The following LRRC49 variants were observed in gnomAD, a reference collection of about 807,000 sequenced individuals.
LRRC49 encodes leucine rich repeat containing 49, also known as leucine-rich repeat-containing protein 49.
Under a neutral mutation model 83.3 loss-of-function variants are expected in LRRC49, and 50 were observed. That is an observed-to-expected ratio of 0.60 (90% CI 0.48 to 0.76). The LOEUF (loss-of-function observed/expected upper bound fraction) is 0.76, where lower values mean the gene tolerates loss of function less well. Among genes scored for constraint, LRRC49 ranks in the 30% least tolerant of loss-of-function variants. The pLI is 0.00. For missense variants in LRRC49, 704 were observed against 809.1 expected (o/e 0.87, Z 1.58); for synonymous variants, 286 against 283.3 (o/e 1.01, Z -0.10).
chr15:71,020,341 T>C (rs1413939622), intron 14 of LRRC49, among the ~76,000 whole-genome samples: 1 of 151,976 alleles, frequency 6.6e-6, no homozygotes, highest in African/African-American at 2.4e-5. Flanking sequence ...ATAAAGTGAG[T>C]TGGGAGGTTT....
At chr15:70,957,354 G>C (rs1235539392) in intron 8 of LRRC49, among the ~76,000 whole-genome samples, 4 of 152,080 alleles carry the variant, frequency 2.6e-5, no homozygotes. Context: ...CTATGCTTTT[G>C]TACATATTAT....
At chr15:70,879,337 G>T (rs1006800366) in intron 2 of LRRC49, among the ~76,000 whole-genome samples, 1 of 151,994 alleles carries the variant, frequency 6.6e-6, no homozygotes, top group South Asian at 2.1e-4. Flanking sequence ...GGTCATCTTG[G>T]GGTTGGTTTC....
intron 1 of LRRC49, among the ~76,000 whole-genome samples, chr15:70,855,866 C>G (rs2032642421): frequency 6.6e-6 from 1 of 152,190 alleles, no homozygotes; most frequent in Non-Finnish European, 1.5e-5. Flanking sequence ...AGCTGTGCCT[C>G]CCTCCAGGGC....
chr15:71,028,822 G>T (rs1567107297), intron 14 of LRRC49, among the ~76,000 whole-genome samples: 1 of 151,954 alleles, frequency 6.6e-6, no homozygotes, highest in Non-Finnish European at 1.5e-5. Context: ...GTGTCTATTT[G>T]ATTCCTCTCT....
At chr15:70,853,794 G>A in intron 1 of LRRC49, 2 of 953,222 alleles carry the variant, frequency 2.1e-6, no homozygotes, top group Non-Finnish European at 2.7e-6. Context: ...AACCCCCTCT[G>A]CCCGAGGAGT....
At chr15:70,992,947 G>T (rs371479125) in intron 11 of LRRC49, among the ~76,000 whole-genome samples, 1 of 152,280 alleles carries the variant, frequency 6.6e-6, no homozygotes, top group Non-Finnish European at 1.5e-5. Context: ...GGTTTCTGCC[G>T]CATTTTGTTC....
chr15:70,903,784 C>T (rs189357894), intron 4 of LRRC49, among the ~76,000 whole-genome samples: 1 of 152,216 alleles, frequency 6.6e-6, no homozygotes, highest in Admixed American at 6.5e-5. Context: ...TACTAGAATT[C>T]TTAAAGGGCC....
At chr15:70,882,854 T>C (rs2033300289) in intron 2 of LRRC49, 1 of 1,614,040 alleles carries the variant, frequency 6.2e-7, no homozygotes, top group Non-Finnish European at 8.5e-7. Context: ...GTGACAGTAT[T>C]AGATGGATTA....
chr15:71,033,204 C>T (rs1350147297), intron 14 of LRRC49, among the ~76,000 whole-genome samples: 1 of 152,156 alleles, frequency 6.6e-6, no homozygotes, highest in Admixed American at 6.5e-5. Context: ...TGCAAGCATT[C>T]CTACACACCA....
intron 7 of LRRC49, among the ~76,000 whole-genome samples, chr15:70,928,803 G>T (rs1452355091): frequency 6.6e-6 from 1 of 152,084 alleles, no homozygotes; most frequent in Non-Finnish European, 1.5e-5. Context: ...GATCTCAAAT[G>T]ATCCACCCGC....
At chr15:70,892,188 C>CTGCTCTGGGCAA, upstream of LRRC49, 30 of 1,608,962 alleles carry the variant, frequency 1.9e-5, no homozygotes, top group Non-Finnish European at 2.4e-5. Context: ...AGCAGCCGCA[C>CTGCTCTGGGCAA]GGCCCGGTCC....
intron 10 of LRRC49, among the ~76,000 whole-genome samples, chr15:70,983,772 T>G (rs1355896905): frequency 6.6e-6 from 1 of 152,132 alleles, no homozygotes; most frequent in Non-Finnish European, 1.5e-5. Context: ...ATGTAAAAAT[T>G]TATGTGAAAT....
chr15:70,892,795 C>G, upstream of LRRC49: 1 of 1,611,742 alleles, frequency 6.2e-7, no homozygotes. Flanking sequence ...TAACCCTGAG[C>G]AGGTTGCCTG....
intron 1 of LRRC49, among the ~76,000 whole-genome samples, chr15:70,857,603 A>G (rs2032684158): frequency 6.6e-6 from 1 of 152,220 alleles, no homozygotes. Context: ...GACCTGTGCT[A>G]TACTCAATTT....
intron 1 of LRRC49, among the ~76,000 whole-genome samples, chr15:70,870,956 T>TTTTTGTTTTTG (rs1555424844): frequency 4.7e-5 from 7 of 150,116 alleles, no homozygotes; most frequent in Admixed American, 1.3e-4. Flanking sequence ...TTTTTTTTTT[T>TTTTTGTTTTTG]TTTTTTTTTA....
rs1214330482 is a variant in LRRC49 at position 70,892,830 on chromosome 15, T to C, written c.-65T>C. 3 of 1,614,104 alleles carry C rather than the reference T, an allele frequency of 1.9e-6. No individual in the cohort carries two copies. Among genetic ancestry groups the C allele is most frequent in the East Asian group, 2.2e-5 (1 of 44,878 alleles). ...GGGAGATGACCTCTTTCGGGTCTCT[T>C]TGAATCTCCGCTGTAGCGTCACCTG... is the stretch of plus-strand genomic sequence containing the variant. On this transcript the variant is annotated 5_prime_UTR_variant, in exon 1 of 16. Coordinates refer to ENST00000260382, the MANE Select transcript of LRRC49 (RefSeq NM_017691.5).
At chr15:70,892,300 G>A (rs1362261507), upstream of LRRC49, 1 of 1,550,884 alleles carries the variant, frequency 6.4e-7, no homozygotes, top group Non-Finnish European at 8.7e-7. Context: ...CGCGGGAGCC[G>A]GGTTCCCTGG....
At chr15:71,040,072 A>C (rs1388063907) in intron 15 of LRRC49, among the ~76,000 whole-genome samples, 1 of 152,228 alleles carries the variant, frequency 6.6e-6, no homozygotes, top group East Asian at 1.9e-4. Context: ...CAAACATTAT[A>C]GCCAAGTGTA....
Position 70,986,419 on chromosome 15 carries a change from G to A in LRRC49, c.1169+2162G>A, listed in dbSNP as rs568289731. 4.9e-3 allele frequency among the ~76,000 whole-genome samples: 738 copies of A among 151,426 alleles called. 11 individuals carry two copies. The highest frequency in any genetic ancestry group is 0.017 in the African/African-American group (719 of 41,434). On this transcript the variant is annotated intron_variant, in intron 11 of 15. Coordinates refer to ENST00000260382, the MANE Select transcript of LRRC49 (RefSeq NM_017691.5). The stretch of plus-strand genomic sequence containing the variant: ...CAATTGTGAATGGGAGTTCACTCAT[G>A]ATTTGGCTCTCTGTTTGTCTGTTAT...
Sources: allele counts gnomAD v4.1 joint callset (sites outside exome capture counted in the v4.1 genomes callset), GRCh38; gene constraint gnomAD v4.1.1; transcripts MANE v1.5; gene names NCBI Gene and HGNC (gene_info 2026-07-23, HGNC 2026-07-21).